Variants in KIF13B observed in about 807,000 individuals in gnomAD.
KIF13B encodes the protein kinesin family member 13B.
A neutral mutation model predicts 222.0 loss-of-function variants in KIF13B; 127 were observed. The ratio of observed to expected loss-of-function variants is 0.57; its 90% CI spans 0.50 to 0.66. The LOEUF is 0.66. KIF13B is among the 30% of genes least tolerant of loss of function. The probability of loss-of-function intolerance (pLI) is 0.00; values close to 1 mark genes in which losing one functional copy is unlikely to be tolerated. For synonymous variants in KIF13B, 976 were observed against 919.0 expected, an observed-to-expected ratio of 1.06 and a Z score of -1.12; for missense variants, 2,173 against 2,379.0, an observed-to-expected ratio of 0.91 and a Z score of 1.80.
At chr8:29,156,580 T>C (rs905666476) in intron 13 of KIF13B, among the ~76,000 whole-genome samples, 1 of 152,030 alleles carries the variant, frequency 6.6e-6, no homozygotes, top group African/African-American at 2.4e-5. Context: ...AGAGACACTA[T>C]CCATGCTCAC....
chr8:29,177,027 T>C (rs1812508701), intron 9 of KIF13B, among the ~76,000 whole-genome samples: 1 of 152,214 alleles, frequency 6.6e-6, no homozygotes, highest in Non-Finnish European at 1.5e-5. Flanking sequence ...CAATTAGCTT[T>C]GATCCTCTCT....
intron 35 of KIF13B, among the ~76,000 whole-genome samples, chr8:29,100,274 TATC>T: frequency 6.6e-6 from 1 of 152,250 alleles, no homozygotes; most frequent in Non-Finnish European, 1.5e-5. Context: ...ACTTCAGCCC[TATC>T]TAGGGAAGAA....
At position 29,070,308 on chromosome 8, in the gene KIF13B, C is replaced by T. The variant is rs1807192720; in HGVS notation, c.*196G>A. On this transcript the variant is annotated 3_prime_UTR_variant, in exon 40 of 40. Coordinates refer to ENST00000524189, the MANE Select transcript of KIF13B (RefSeq NM_015254.4). This position sits in a 1 kb window ranked among gnomAD's most constrained non-coding sequence, Gnocchi z 4.1. ...CCACCTGAGGAGGCACAGTTGAGGC[C>T]CCCACTTTACCCGGGTACAGAAGAA... 3 of 625,012 alleles carry T rather than the reference C, an allele frequency of 4.8e-6. No homozygotes were observed. In the Admixed American group the frequency reaches 9.1e-5, roughly 19 times the overall value. 38.7% of individuals were successfully genotyped at this position (625,012 alleles called of 1,614,324 possible).
Position 29,070,661 on chromosome 8 carries a change from C to T in KIF13B, c.5324G>A (p.Arg1775Gln), listed in dbSNP as rs779044932. 5.1e-6 allele frequency: 8 copies of T among 1,561,896 alleles called. No individual in the cohort carries two copies. Among genetic ancestry groups the T allele is most frequent in the Non-Finnish European group, 6.1e-6 (7 of 1,153,342 alleles). Residue 1775 changes from arginine (R) to glutamine (Q), a missense_variant, in exon 40 of 40, where the codon CGG becomes CAG. Around this residue, in one of 2 missense-constraint regions of KIF13B, gnomAD observed 693 missense variants for 656.2 expected, o/e 1.06. Coordinates refer to ENST00000524189, the MANE Select transcript of KIF13B (RefSeq NM_015254.4). This position sits in a 1 kb window ranked among gnomAD's most constrained non-coding sequence, Gnocchi z 4.1. ...SRVRRATGPV[R>Q]RRSTGLRLGA... ...CAGCCGGAGTCCTGTGCTGCGCCGC[C>T]GCACAGGGCCCGTGGCCCTGCGGAC... is the stretch of plus-strand genomic sequence containing the variant.
chr8:29,228,622 A>C (rs989738857), intron 2 of KIF13B, among the ~76,000 whole-genome samples: 2 of 151,942 alleles, frequency 1.3e-5, no homozygotes, highest in African/African-American at 4.8e-5. Flanking sequence ...TGATCAAAAG[A>C]GTACCTGAAT....
intron 7 of KIF13B, 83 bp from the exon 8 acceptor site, chr8:29,180,321 C>A (rs565939608): frequency 7.2e-7 from 1 of 1,398,130 alleles, no homozygotes; most frequent in Non-Finnish European, 1.0e-6. Context: ...AAATTCATTG[C>A]AAGTTTTGCT....
chr8:29,182,146 T>C (rs1812739279), intron 6 of KIF13B, 140 bp from the exon 7 acceptor site: 2 of 566,438 alleles, frequency 3.5e-6, no homozygotes, highest in South Asian at 5.5e-5. Flanking sequence ...CCCAGAAGAA[T>C]TTAAACCAAA....
intron 37 of KIF13B, among the ~76,000 whole-genome samples, chr8:29,084,499 G>A (rs1417476501): frequency 6.6e-6 from 1 of 152,174 alleles, no homozygotes; most frequent in African/African-American, 2.4e-5. Context: ...GTGAGGCTAT[G>A]TTGAAATAGG....
At chr8:29,200,854 T>G (rs1371413861) in intron 2 of KIF13B, among the ~76,000 whole-genome samples, 1 of 152,200 alleles carries the variant, frequency 6.6e-6, no homozygotes, top group Non-Finnish European at 1.5e-5. Context: ...AAATCCAGAT[T>G]GTGCATTTTG....
chr8:29,223,164 C>CAAA (rs375009923), intron 2 of KIF13B, among the ~76,000 whole-genome samples: 2 of 113,154 alleles, frequency 1.8e-5, no homozygotes, highest in East Asian at 2.7e-4. Context: ...CAAAAAAATA[C>CAAA]AAAAAAAAAA....
At chr8:29,263,076 G>A (rs1424541554), upstream of KIF13B, 12 of 1,553,538 alleles carry the variant, frequency 7.7e-6, no homozygotes, top group South Asian at 1.4e-4. Flanking sequence ...CGTCTGCCGC[G>A]GCCACCGGCG....
At chr8:29,252,999 CAACT>C (rs1816339131) in intron 1 of KIF13B, among the ~76,000 whole-genome samples, 1 of 151,976 alleles carries the variant, frequency 6.6e-6, no homozygotes, top group Admixed American at 6.6e-5. Context: ...GATTAAAATA[CAACT>C]GAGCTCTAAC....
At chr8:29,234,059 T>C (rs1815399513) in intron 2 of KIF13B, among the ~76,000 whole-genome samples, 1 of 152,240 alleles carries the variant, frequency 6.6e-6, no homozygotes, top group South Asian at 2.1e-4. Context: ...TTCACATGGC[T>C]ACACTTCTTA....
rs1812466611 is a variant in KIF13B at position 29,176,102 on chromosome 8, G to A, written c.911C>T (p.Pro304Leu). Residue 304 changes from proline (P) to leucine (L), a missense_variant, in exon 10 of 40, where the codon CCA (proline) becomes CTA (leucine). This residue lies in a region of KIF13B where 1,480 missense variants were observed against 1,722.8 expected (regional missense o/e 0.86). Coordinates refer to ENST00000524189, the MANE Select transcript of KIF13B (RefSeq NM_015254.4). ...CCAAGTGAGAACTGAGTCACGATATGGAACAAATTTATTCTTGTTTTTGCC... is the reference window on the plus strand; with the variant it reads ...CCAAGTGAGAACTGAGTCACGATATAGAACAAATTTATTCTTGTTTTTGCC... ...SAGKNKNKFVPYRDSVLTWLL... is the reference protein window; with the variant it reads ...SAGKNKNKFVLYRDSVLTWLL... 6.2e-7 allele frequency: 1 copy of A among 1,613,332 alleles called. No homozygotes were observed. Among genetic ancestry groups the A allele is most frequent in the Non-Finnish European group, 8.5e-7 (1 of 1,179,474 alleles).
At chr8:29,195,750 T>A (rs1254583942) in intron 3 of KIF13B, among the ~76,000 whole-genome samples, 2 of 151,636 alleles carry the variant, frequency 1.3e-5, no homozygotes, top group Non-Finnish European at 2.9e-5. Context: ...GTCTCGGGAG[T>A]GGGGAGGATG....
chr8:29,127,268 C>A lies in KIF13B; in HGVS notation c.3076G>T (p.Gly1026Trp). Residue 1026 changes from glycine (G) to tryptophan (W), a missense_variant and splice_region_variant, in exon 25 of 40, where the codon GGG (glycine) becomes TGG (tryptophan). Physicochemically the swap from Gly to Trp is radical, Grantham distance 184. Around this residue, in one of 2 missense-constraint regions of KIF13B, gnomAD observed 1,480 missense variants for 1,722.8 expected, o/e 0.86. Coordinates refer to ENST00000524189, the MANE Select transcript of KIF13B (RefSeq NM_015254.4). ...TCGACTTGAACTCTCCGGGACTGCC[C>A]CTGGGTCACAGACAATTTAGAGTCT... ...PTGGIFQLRQ[G>W]QSRRVQVEVK... is the part of the protein sequence containing the mutation. 6.2e-7 allele frequency: 1 copy of A among 1,612,910 alleles called. No individual in the cohort carries two copies. The highest frequency in any genetic ancestry group is 8.5e-7 in the Non-Finnish European group (1 of 1,179,434).
intron 35 of KIF13B, among the ~76,000 whole-genome samples, chr8:29,104,555 G>A (rs548326008): frequency 2.0e-4 from 30 of 152,194 alleles, no homozygotes; most frequent in African/African-American, 5.8e-4. Context: ...AGCTAGGGAC[G>A]GGGTGGGGCT....
At chr8:29,091,548 G>A (rs918549771) in intron 37 of KIF13B, among the ~76,000 whole-genome samples, 13 of 152,236 alleles carry the variant, frequency 8.5e-5, no homozygotes, top group African/African-American at 2.7e-4. Flanking sequence ...GGTTCCCAGC[G>A]CAGGCTGAGA....
chr8:29,219,616 C>T (rs1263201310), intron 2 of KIF13B: 1 of 151,672 alleles, frequency 6.6e-6, no homozygotes, highest in Non-Finnish European at 1.5e-5. Context: ...AAAAGTTAGC[C>T]AAGCATGGTG....
Sources: allele counts gnomAD v4.1 joint callset (sites outside exome capture counted in the v4.1 genomes callset), GRCh38; gene constraint gnomAD v4.1.1; regional missense constraint gnomAD v4.1.1; non-coding constraint Gnocchi (gnomAD v3.1); transcripts MANE v1.5; gene names NCBI Gene and HGNC (gene_info 2026-07-23, HGNC 2026-07-21).